Variants in TAF4 observed in about 807,000 individuals in gnomAD.
TAF4 encodes transcription initiation factor TFIID subunit 4.
Under a neutral mutation model 90.3 loss-of-function variants are expected in TAF4, and 9 were observed. That is an observed-to-expected ratio of 0.10 (90% CI 0.06 to 0.17). The LOEUF is 0.17. Among genes scored for constraint, TAF4 ranks in the 10% least tolerant of loss-of-function variants. TAF4 has a pLI of 1.00. For missense variants in TAF4, 1,351 were observed against 1,370.7 expected (o/e 0.99, Z 0.23); for synonymous variants, 818 against 638.9 (o/e 1.28, Z -4.23).
intron 1 of TAF4, among the ~76,000 whole-genome samples, chr20:62,048,100 C>G (rs901787120): frequency 1.3e-5 from 2 of 152,172 alleles, no homozygotes; most frequent in Non-Finnish European, 2.9e-5. Flanking sequence ...TCAAAGTCAC[C>G]TCTGAAAATC....
chr20:62,004,456 C>A (rs1437183495), intron 7 of TAF4: 1 of 150,850 alleles, frequency 6.6e-6, no homozygotes, highest in East Asian at 1.9e-4. Context: ...TTCCCGAGCA[C>A]CTGGGACCAT....
intron 1 of TAF4, among the ~76,000 whole-genome samples, chr20:62,031,137 G>A (rs1389973049): frequency 6.6e-6 from 1 of 152,136 alleles, no homozygotes; most frequent in Non-Finnish European, 1.5e-5. Flanking sequence ...GCCATTCCTG[G>A]TTTCTAATTT....
chr20:62,047,077 A>G (rs1440415609), intron 1 of TAF4, among the ~76,000 whole-genome samples: 1 of 152,196 alleles, frequency 6.6e-6, no homozygotes, highest in Non-Finnish European at 1.5e-5. Context: ...CTATGTATCG[A>G]CTTTCTGCCC....
chr20:61,993,895 G>A (rs757605531), intron 14 of TAF4, among the ~76,000 whole-genome samples: 79 of 152,146 alleles, frequency 5.2e-4, no homozygotes, highest in Non-Finnish European at 9.6e-4. Context: ...TGGAAATACA[G>A]GTGCCTACCA....
rs140910155 is a variant in TAF4, at chr20:62,018,187, C to T, written c.1361-3480G>A. On this transcript the variant is annotated intron_variant, in intron 1 of 14. Transcript: ENST00000252996. ...ACTGAGGTTTGCTTCCAACAAACAG[C>T]ACATAAGAGGCGCTGTCACTGGGGA... Among the ~76,000 whole-genome samples the T allele has an allele frequency of 9.8e-5, 15 of 152,328 alleles. No individual in the cohort carries two copies. The East Asian group carries it at 2.9e-3, about 29-fold the overall frequency.
chr20:62,021,859 A>G (rs1387988573), intron 1 of TAF4, among the ~76,000 whole-genome samples: 2 of 152,122 alleles, frequency 1.3e-5, no homozygotes, highest in African/African-American at 2.4e-5. Context: ...AAAAAAAAAG[A>G]CAGCCGGCAC....
chr20:62,054,512 C>G (rs906022004), intron 1 of TAF4, among the ~76,000 whole-genome samples: 7 of 152,204 alleles, frequency 4.6e-5, no homozygotes, highest in Admixed American at 3.3e-4. Flanking sequence ...AAATGCTACT[C>G]CACCACATAA....
rs2056112575 is a variant in TAF4 at position 62,064,694 on chromosome 20, T to C, written c.1117A>G (p.Met373Val). ...CCTTGCATAGTTGGCCCGATGACCA[T>C]GCTGGCCGCCGTGCTGGCCGGGCCG... ...ASGPASTAAS[M>V]VIGPTMQGAL... is the part of the protein sequence containing the mutation. Residue 373 changes from methionine to valine, a missense_variant, in exon 1 of 15, where the codon ATG becomes GTG. Physicochemically the swap from Met to Val is conservative, Grantham distance 21. Transcript: ENST00000252996. The C allele has an allele frequency of 8.0e-6, 10 of 1,253,014 alleles. No individual in the cohort carries two copies. In the South Asian group the frequency reaches 2.5e-4, roughly 31 times the overall value. The allele number at this position is 1,253,014 out of a possible 1,614,324, so 77.6% of individuals were successfully genotyped here.
chr20:62,029,271 T>C (rs191724176), intron 1 of TAF4, among the ~76,000 whole-genome samples: 1 of 152,118 alleles, frequency 6.6e-6, no homozygotes, highest in Non-Finnish European at 1.5e-5. Context: ...CTCATTCTTT[T>C]AAGTTTGAAA....
intron 3 of TAF4, among the ~76,000 whole-genome samples, chr20:62,011,925 A>T (rs1333789432): frequency 6.6e-6 from 1 of 152,166 alleles, no homozygotes; most frequent in Non-Finnish European, 1.5e-5. Context: ...CTTCCTGCTG[A>T]CTGCCCAGAG....
intron 2 of TAF4, among the ~76,000 whole-genome samples, chr20:62,013,629 G>T (rs749134352): frequency 5.0e-4 from 76 of 152,266 alleles, no homozygotes; most frequent in Non-Finnish European, 8.7e-4. Context: ...CAGAGGGTAC[G>T]CAGCTCACGT....
intron 1 of TAF4, among the ~76,000 whole-genome samples, chr20:62,027,330 C>T (rs931688105): frequency 6.6e-6 from 1 of 152,222 alleles, no homozygotes; most frequent in African/African-American, 2.4e-5. Context: ...GGAAAACCTT[C>T]ACCCAGCCTT....
intron 1 of TAF4, among the ~76,000 whole-genome samples, chr20:62,015,180 G>A (rs1034696217): frequency 6.6e-6 from 1 of 152,218 alleles, no homozygotes; most frequent in African/African-American, 2.4e-5. Flanking sequence ...ACCCAACAGA[G>A]GGAGGGTGGG....
intron 10 of TAF4, 86 bp from the exon 11 acceptor site, chr20:62,000,340 G>A (rs1282464899): frequency 3.2e-6 from 5 of 1,542,338 alleles, no homozygotes; most frequent in Non-Finnish European, 4.4e-6. Context: ...AGCAGTTACT[G>A]CTTTTATACA....
intron 1 of TAF4, among the ~76,000 whole-genome samples, chr20:62,048,192 C>T (rs1052413367): frequency 4.6e-5 from 7 of 152,200 alleles, no homozygotes; most frequent in East Asian, 1.9e-4. Flanking sequence ...GGCAGGCTGG[C>T]GCGTGCCTGC....
intron 1 of TAF4, among the ~76,000 whole-genome samples, chr20:62,052,028 A>G (rs563067156): frequency 6.6e-6 from 1 of 152,220 alleles, no homozygotes; most frequent in Admixed American, 6.5e-5. Flanking sequence ...AGGAAGAGAG[A>G]TGACAGGAAG....
At chr20:62,027,087 T>A (rs1440434061) in intron 1 of TAF4, among the ~76,000 whole-genome samples, 2 of 151,982 alleles carry the variant, frequency 1.3e-5, no homozygotes, top group African/African-American at 4.8e-5. Context: ...AAACTCCGAG[T>A]GAGAAGTTCA....
At position 62,014,566 on chromosome 20, in the gene TAF4, A is replaced by C; in HGVS notation, c.1502T>G (p.Val501Gly). The part of the protein sequence containing the change: ...RPATPTSAPP[V>G]QISTVQAPGT... ...ACTCACCTGTACGGTGGAGATCTGG[A>C]CGGGAGGGGCACTTGTGGGGGTGGC... Residue 501 changes from valine (V) to glycine (G), a missense_variant, in exon 2 of 15, where the codon GTC becomes GGC. By Grantham distance (109) the Val-to-Gly change is moderately radical. Around this residue, in one of 9 missense-constraint regions of TAF4, gnomAD observed 143 missense variants for 176.3 expected, o/e 0.81. Transcript: ENST00000252996. The C allele has an allele frequency of 6.2e-7, 1 of 1,612,656 alleles. No homozygotes were observed. The highest frequency in any genetic ancestry group is 8.5e-7 in the Non-Finnish European group (1 of 1,179,438).
chr20:62,036,776 G>C (rs868167250), intron 1 of TAF4, among the ~76,000 whole-genome samples: 2 of 152,162 alleles, frequency 1.3e-5, no homozygotes, highest in Non-Finnish European at 2.9e-5. Context: ...ACCAAACTAG[G>C]AAAAGAAGGT....
Sources: allele counts gnomAD v4.1 joint callset (sites outside exome capture counted in the v4.1 genomes callset), GRCh38; gene constraint gnomAD v4.1.1; regional missense constraint gnomAD v4.1.1; transcripts MANE v1.5; gene names NCBI Gene and HGNC (gene_info 2026-07-23, HGNC 2026-07-21).